The following CFAP47 variants were observed in gnomAD, a reference collection of about 807,000 sequenced individuals.
The protein encoded by CFAP47 is cilia- and flagella-associated protein 47.
Under a neutral mutation model 148.1 loss-of-function variants are expected in CFAP47, and 29 were observed. The observed-to-expected ratio is 0.20, with a 90% CI of 0.15 to 0.27. The LOEUF is 0.27. Among genes scored for constraint, CFAP47 ranks in the 10% least tolerant of loss-of-function variants. The pLI, the probability that CFAP47 is intolerant of heterozygous loss-of-function variation, is 1.00. For synonymous variants in CFAP47, 664 were observed against 577.3 expected (o/e 1.15, Z -2.15); for missense variants, 1,872 against 1,697.5 (o/e 1.10, Z -1.81).
intron 46 of CFAP47, 46 bp from the exon 47 acceptor site, chrX:36,235,888 A>G (rs148343977): frequency 1.0e-3 from 435 of 420,705 alleles, no homozygotes; most frequent in Admixed American, 1.8e-3. Context: ...ATTCAATTTC[A>G]TCAATATCAT....
At chrX:36,285,528 CA>C in intron 50 of CFAP47, 100 bp from the exon 51 acceptor site, 1 of 423,428 alleles carries the variant, frequency 2.4e-6, no homozygotes, top group Non-Finnish European at 4.2e-6. Context: ...GTCCATTAAA[CA>C]AAAAGGTTGA....
chrX:35,963,250 A>G (rs1164271935), intron 8 of CFAP47, among the ~76,000 whole-genome samples: 1 of 110,272 alleles, frequency 9.1e-6, no homozygotes, highest in Non-Finnish European at 1.9e-5. Flanking sequence ...AGTCTATTGT[A>G]CAGAATGGTG....
chrX:36,380,711 G>A (rs1489133689), intron 63 of CFAP47, among the ~76,000 whole-genome samples: 1 of 112,611 alleles, frequency 8.9e-6, no homozygotes, highest in African/African-American at 3.2e-5. Context: ...CCAAAGTCCT[G>A]GGATTACAGG....
intron 3 of CFAP47, among the ~76,000 whole-genome samples, chrX:35,948,024 C>T (rs896218936): frequency 9.0e-6 from 1 of 111,670 alleles, no homozygotes; most frequent in African/African-American, 3.3e-5. Flanking sequence ...CTTTTGGCTT[C>T]CCTGAGCTAC....
At chrX:36,312,719 G>A (rs1197343815) in intron 56 of CFAP47, among the ~76,000 whole-genome samples, 1 of 111,863 alleles carries the variant, frequency 8.9e-6, no homozygotes, top group African/African-American at 3.2e-5. Context: ...TTTCTGCTAT[G>A]TAACAATAAA....
In CFAP47 at chrX:36,371,643, TATGTGTATATATGTGTGTATATACACAC is replaced by T. The variant is rs1340408211; in HGVS notation, c.9185+4579_9185+4606del. Among the ~76,000 whole-genome samples, 479 of 79,767 alleles carry T rather than the reference TATGTGTATATATGTGTGTATATACACAC, an allele frequency of 6.0e-3. 48 individuals carry two copies. The highest frequency in any genetic ancestry group is 0.019 in the African/African-American group (349 of 18,105). The allele number at this position is 79,767 out of a possible 115,157, so 69.3% of individuals were successfully genotyped here. On this transcript the variant is annotated intron_variant, in intron 62 of 63. Coordinates refer to ENST00000378653, the MANE Select transcript of CFAP47 (RefSeq NM_001304548.2). ...TGTAATATATGTGTATATACACACA[TATGTGTATATATGTGTGTATATACACAC>T]ATGTGTATATATGTGTGTATATACA...
At chrX:36,102,707 A>T (rs1343210117) in intron 32 of CFAP47, among the ~76,000 whole-genome samples, 1 of 111,621 alleles carries the variant, frequency 9.0e-6, no homozygotes, top group Non-Finnish European at 1.9e-5. Flanking sequence ...CATATATCTC[A>T]TCAGCTGTAC....
chrX:36,188,513 G>T, intron 40 of CFAP47, 107 bp from the exon 41 acceptor site: 1 of 285,467 alleles, frequency 3.5e-6, no homozygotes, highest in Non-Finnish European at 6.1e-6. Flanking sequence ...CATATCATTT[G>T]TACTTAGCCA....
At chrX:35,957,873 T>A (rs1374072344) in intron 8 of CFAP47, among the ~76,000 whole-genome samples, 1 of 112,357 alleles carries the variant, frequency 8.9e-6, no homozygotes, top group Non-Finnish European at 1.9e-5. Flanking sequence ...TTATTCTTTT[T>A]AAATAATAAC....
intron 49 of CFAP47, among the ~76,000 whole-genome samples, chrX:36,257,098 T>C (rs1400616333): frequency 7.1e-5 from 8 of 112,436 alleles, no homozygotes; most frequent in Non-Finnish European, 1.3e-4. Context: ...TGTGAACTTC[T>C]ACATGTAAGC....
intron 14 of CFAP47, 143 bp from the exon 15 acceptor site, chrX:35,975,529 T>A: frequency 1.4e-6 from 1 of 690,004 alleles, no homozygotes. Flanking sequence ...TTAGTAGCAA[T>A]CTAATTATCT....
Position 36,301,057 on chromosome X carries a change from AT to A in CFAP47, c.7863-12del. 9.4e-7 allele frequency: 1 copy of A among 1,062,509 alleles called. No individual in the cohort carries two copies. Among genetic ancestry groups the A allele is most frequent in the South Asian group, 2.1e-5 (1 of 48,305 alleles). The allele number at this position is 1,062,509 out of a possible 1,213,427, so 87.6% of individuals were successfully genotyped here. ...TAAAACTGCTGACAAAATTTTGTGTATTTCTCTCCACCAGCATTATTTTTCA... is the reference window on the plus strand; with the variant it reads ...TAAAACTGCTGACAAAATTTTGTGTATTCTCTCCACCAGCATTATTTTTCA... On this transcript the variant is annotated splice_polypyrimidine_tract_variant and intron_variant, in intron 52 of 63. Coordinates refer to ENST00000378653, the MANE Select transcript of CFAP47 (RefSeq NM_001304548.2).
intron 13 of CFAP47, among the ~76,000 whole-genome samples, chrX:35,973,759 A>G (rs867201775): frequency 8.1e-4 from 91 of 111,908 alleles, no homozygotes; most frequent in African/African-American, 2.9e-3. Context: ...TCATCTGTGA[A>G]ATGGGAAGTG....
At chrX:36,339,406 A>C (rs1333987924) in intron 57 of CFAP47, among the ~76,000 whole-genome samples, 5 of 111,979 alleles carry the variant, frequency 4.5e-5, no homozygotes, top group African/African-American at 1.6e-4. Flanking sequence ...TTATCTTAAA[A>C]TTATCTGTGG....
At chrX:36,144,456 C>T in intron 35 of CFAP47, 2 of 816,219 alleles carry the variant, frequency 2.5e-6, no homozygotes, top group Non-Finnish European at 1.6e-6. Flanking sequence ...CTATGCTTTT[C>T]CTCTTTTTAT....
Position 36,331,184 on chromosome X carries a change from T to A in CFAP47, c.8443+11877T>A, listed in dbSNP as rs1751048258. On this transcript the variant is annotated intron_variant, in intron 57 of 63. Coordinates refer to ENST00000378653, the MANE Select transcript of CFAP47 (RefSeq NM_001304548.2). ...CAAAATTTAAAGGTTAATCTCTTTA[T>A]CTTACGTTCTCTCTCAATAGCATTT... Among the ~76,000 whole-genome samples the A allele has an allele frequency of 2.7e-5, 3 of 112,007 alleles. No individual in the cohort carries two copies. The South Asian group carries it at 1.1e-3, about 41-fold the overall frequency.
rs1448076447 is a variant in CFAP47 at position 35,966,441 on chromosome X, C to T, written c.1411-124C>T. 5 of 330,802 alleles carry T rather than the reference C, an allele frequency of 1.5e-5. No homozygotes were observed. The South Asian group carries it at 7.6e-4, about 50-fold the overall frequency. 27.3% of individuals were successfully genotyped at this position (330,802 alleles called of 1,213,427 possible). The stretch of plus-strand genomic sequence containing the variant: ...GTCAGTGCTGTATATTTCTGAAGTA[C>T]TTTCATATTACCATTATGAGCTAGC... On this transcript the variant is annotated intron_variant, in intron 8 of 63. Coordinates refer to ENST00000378653, the MANE Select transcript of CFAP47 (RefSeq NM_001304548.2).
At chrX:36,129,539 A>G (rs182904131) in intron 33 of CFAP47, among the ~76,000 whole-genome samples, 6 of 111,506 alleles carry the variant, frequency 5.4e-5, no homozygotes, top group South Asian at 3.7e-4. Flanking sequence ...TACCTTTACA[A>G]GCAAGATTAT....
intron 56 of CFAP47, among the ~76,000 whole-genome samples, chrX:36,317,432 C>T (rs937056679): frequency 1.8e-5 from 2 of 108,886 alleles, no homozygotes; most frequent in Non-Finnish European, 3.8e-5. Flanking sequence ...CTTTTTGAGA[C>T]GGAGTCTCAC....
Sources: gnomAD v4.1 joint callset for allele counts (sites outside exome capture counted in the v4.1 genomes callset) on GRCh38, gnomAD v4.1.1 for gene constraint, MANE v1.5 for transcripts, NCBI Gene and HGNC (gene_info 2026-07-23, HGNC 2026-07-21) for gene names.